LYST: variants seen among roughly 807,000 people sequenced by gnomAD.
The protein encoded by LYST is lysosomal trafficking regulator.
A neutral mutation model predicts 413.6 loss-of-function variants in LYST; 192 were observed. That is an observed-to-expected ratio of 0.46 (90% CI 0.41 to 0.52). LYST has a LOEUF of 0.52. Among genes scored for constraint, LYST ranks in the 20% least tolerant of loss-of-function variants. The probability of loss-of-function intolerance (pLI) is 0.00; values close to 1 mark genes in which losing one functional copy is unlikely to be tolerated. For missense variants in LYST, 3,815 were observed against 4,499.9 expected (o/e 0.85, Z 4.35); for synonymous variants, 1,525 against 1,567.3 (o/e 0.97, Z 0.64).
In LYST at chr1:235,773,829, A is replaced by C; in HGVS notation, c.5784+13T>G. On this transcript the variant is annotated intron_variant, in intron 19 of 52. Coordinates refer to ENST00000389793, the MANE Select transcript of LYST (RefSeq NM_000081.4). Reference sequence around the variant, plus strand: ...CCACAATAAAAAATGGAAAAAAAGTACATATTACATGCCTCTGCTTTACTC... The same window carrying C: ...CCACAATAAAAAATGGAAAAAAAGTCCATATTACATGCCTCTGCTTTACTC... 1.2e-6 allele frequency: 2 copies of C among 1,607,304 alleles called. No individual in the cohort carries two copies. The highest frequency in any genetic ancestry group is 1.7e-6 in the Non-Finnish European group (2 of 1,174,230).
intron 39 of LYST, among the ~76,000 whole-genome samples, chr1:235,722,652 A>C (rs1663486685): frequency 6.6e-6 from 1 of 151,906 alleles, no homozygotes; most frequent in Non-Finnish European, 1.5e-5. Flanking sequence ...TGCCCCGCTA[A>C]TTTTTGTATT....
In LYST at chr1:235,702,851, C is replaced by A. The variant is rs765542937; in HGVS notation, c.10270G>T (p.Gly3424Ter). The A allele has an allele frequency of 6.2e-7, 1 of 1,614,208 alleles. No individual in the cohort carries two copies. Among genetic ancestry groups the A allele is most frequent in the South Asian group, 1.1e-5 (1 of 91,086 alleles). Residue 3424 changes from glycine to a stop codon, truncating the protein, a stop_gained, in exon 45 of 53, where the codon GGA becomes TGA. Transcript: ENST00000389793. LOFTEE classifies it high-confidence loss of function. ...TCTCCTTCAATATTGAGCTTGGCTC[C>A]AGGTCTGCTCACATGGGCCATGTGG... is the stretch of plus-strand genomic sequence containing the variant. ...LFHMAHVSRP[G>*]AKLNIEGELP... is the part of the protein sequence containing the mutation.
intron 45 of LYST, among the ~76,000 whole-genome samples, chr1:235,700,837 A>G (rs1197822424): frequency 3.9e-5 from 6 of 152,232 alleles, no homozygotes; most frequent in Non-Finnish European, 7.3e-5. Context: ...ACAGTAATGA[A>G]CAAGACAGAC....
intron 5 of LYST, among the ~76,000 whole-genome samples, chr1:235,807,958 AT>A (rs1673050255): frequency 6.6e-6 from 1 of 152,176 alleles, no homozygotes; most frequent in Non-Finnish European, 1.5e-5. Flanking sequence ...CACTATTTTA[AT>A]TGTTTATATT....
In LYST at chr1:235,664,436, CAA is replaced by C. The variant is rs745471748; in HGVS notation, c.11195+27_11195+28del. The C allele has an allele frequency of 1.2e-6, 2 of 1,607,554 alleles. No homozygotes were observed. The highest frequency in any genetic ancestry group is 2.7e-5 in the African/African-American group (2 of 74,770). ...ACTCCTGTGTCCTTATGAATGAAAT[CAA>C]AAAAAGAGAATCCAAATTCCTCTTA... On this transcript the variant is annotated intron_variant, in intron 51 of 52. Transcript: ENST00000389793. The surrounding 1 kb of genome is among the most constrained non-coding windows in gnomAD (Gnocchi z 4.5).
rs1664564762 is a variant in LYST at position 235,733,594 on chromosome 1, T to G, written c.8710A>C (p.Lys2904Gln). ...VSLSQGNERK[K>Q]VIQHIRGMYK... Reference sequence around the variant, plus strand: ...ATTCCTCTAATATGCTGGATCACCTTTTTTCTCTCATTTCCTTGGGAGAGA... The same window carrying G: ...ATTCCTCTAATATGCTGGATCACCTGTTTTCTCTCATTTCCTTGGGAGAGA... The change falls in exon 34 of 53, where the codon AAG becomes CAG. Residue 2904 changes from lysine to glutamine, a missense_variant. This residue lies in a region of LYST where 866 missense variants were observed against 1,156.0 expected (regional missense o/e 0.75). Coordinates refer to ENST00000389793, the MANE Select transcript of LYST (RefSeq NM_000081.4). 6.2e-7 allele frequency: 1 copy of G among 1,613,836 alleles called. No individual in the cohort carries two copies.
chr1:235,871,867 G>A (rs1458811981), upstream of LYST, among the ~76,000 whole-genome samples: 1 of 152,092 alleles, frequency 6.6e-6, no homozygotes, highest in Non-Finnish European at 1.5e-5. Context: ...AAACTCTCAC[G>A]TCCTTGCATT....
intron 50 of LYST, among the ~76,000 whole-genome samples, chr1:235,667,039 C>T (rs1474464455): frequency 6.6e-6 from 1 of 152,180 alleles, no homozygotes; most frequent in African/African-American, 2.4e-5. Flanking sequence ...CACTCAGTAA[C>T]TTGGGCTACC....
chr1:235,809,160 C>A lies in LYST; in HGVS notation c.1658G>T (p.Cys553Phe), dbSNP rs1673184141. 1 of 1,613,926 alleles carries A rather than the reference C, an allele frequency of 6.2e-7. No individual in the cohort carries two copies. The highest frequency in any genetic ancestry group is 8.5e-7 in the Non-Finnish European group (1 of 1,179,972). ...YPERCCCIAV[C>F]AHQCLRLLQQ... ...TAGTAAGCGCAAGCACTGATGGGCA[C>A]ACACTGCAATGCAACAGCACCGCTC... The change falls in exon 5 of 53, where the codon TGT (cysteine) becomes TTT (phenylalanine). Residue 553 changes from cysteine (C) to phenylalanine (F), a missense_variant. Cys to Phe is a radical substitution (Grantham distance 205). Around this residue, in one of 4 missense-constraint regions of LYST, gnomAD observed 1,648 missense variants for 1,810.3 expected, o/e 0.91. Transcript: ENST00000389793. This position sits in a 1 kb window ranked among gnomAD's most constrained non-coding sequence, Gnocchi z 4.0.
At chr1:235,821,226 C>G (rs1406923667) in intron 3 of LYST, among the ~76,000 whole-genome samples, 1 of 152,148 alleles carries the variant, frequency 6.6e-6, no homozygotes, top group Non-Finnish European at 1.5e-5. Context: ...TGCTTGAGCT[C>G]AGGAGCTTGA....
chr1:235,797,709 G>T (rs1671701569), intron 10 of LYST, among the ~76,000 whole-genome samples: 2 of 151,998 alleles, frequency 1.3e-5, no homozygotes, highest in African/African-American at 4.8e-5. Context: ...CATAATATTG[G>T]ATTTGTCAAT....
intron 20 of LYST, among the ~76,000 whole-genome samples, 189 bp from the exon 21 acceptor site, chr1:235,766,466 A>G (rs1403227031): frequency 6.6e-6 from 1 of 152,172 alleles, no homozygotes; most frequent in Non-Finnish European, 1.5e-5. Flanking sequence ...TCTTGTTATT[A>G]AAAATTCATT....
At chr1:235,742,813 C>T (rs886218284) in intron 30 of LYST, among the ~76,000 whole-genome samples, 1 of 152,100 alleles carries the variant, frequency 6.6e-6, no homozygotes, top group Non-Finnish European at 1.5e-5. Flanking sequence ...CTGCATATAG[C>T]AGTACCCCCT....
intron 37 of LYST, 57 bp from the exon 38 acceptor site, chr1:235,728,188 T>C (rs1664063455): frequency 8.2e-7 from 1 of 1,225,204 alleles, no homozygotes; most frequent in Non-Finnish European, 1.2e-6. Flanking sequence ...CTACCATTCA[T>C]GGTTTAATGC....
intron 1 of LYST, among the ~76,000 whole-genome samples, chr1:235,850,357 C>A (rs866952715): frequency 4.6e-5 from 7 of 152,132 alleles, no homozygotes; most frequent in Non-Finnish European, 8.8e-5. Context: ...TCATCTCTCA[C>A]CTTATACAAA....
chr1:235,720,806 G>T lies in LYST; in HGVS notation c.9415C>A (p.Gln3139Lys), dbSNP rs1663292969. 6 of 1,614,028 alleles carry T rather than the reference G, an allele frequency of 3.7e-6. No individual in the cohort carries two copies. Among genetic ancestry groups the T allele is most frequent in the Non-Finnish European group, 5.1e-6 (6 of 1,179,954 alleles). The change falls in exon 40 of 53, where the codon CAA becomes AAA. Residue 3139 changes from glutamine to lysine, a missense_variant. Transcript: ENST00000389793. ...GTCAAATATTCAAAATTAGTAATTT[G>T]CCCAGTATACCATAAATTTGTCAGA... is the stretch of plus-strand genomic sequence containing the variant. ...TALTNLWYTG[Q>K]ITNFEYLTHL...
intron 13 of LYST, among the ~76,000 whole-genome samples, chr1:235,787,890 A>G (rs1670594196): frequency 6.6e-6 from 1 of 152,124 alleles, no homozygotes; most frequent in African/African-American, 2.4e-5. Context: ...ATAGTATCAT[A>G]CTATTCATAC....
At chr1:235,842,667 T>C (rs184522654) in intron 1 of LYST, among the ~76,000 whole-genome samples, 1 of 152,284 alleles carries the variant, frequency 6.6e-6, no homozygotes, top group East Asian at 1.9e-4. Context: ...CCCCTCGTAG[T>C]CAAGTTAGGT....
chr1:235,735,689 A>C (rs1297747155), intron 31 of LYST: 1 of 152,182 alleles, frequency 6.6e-6, no homozygotes, highest in East Asian at 1.9e-4. Flanking sequence ...ATAGTATTAA[A>C]TGTCAGCAAA....
Sources: allele counts gnomAD v4.1 joint callset (sites outside exome capture counted in the v4.1 genomes callset), GRCh38; gene constraint gnomAD v4.1.1; regional missense constraint gnomAD v4.1.1; non-coding constraint Gnocchi (gnomAD v3.1); transcripts MANE v1.5; gene names NCBI Gene and HGNC (gene_info 2026-07-23, HGNC 2026-07-21).